The following CNTLN variants were observed in gnomAD, a reference collection of about 807,000 sequenced individuals.
CNTLN encodes centlein, centrosomal protein.
A neutral mutation model predicts 180.0 loss-of-function variants in CNTLN; 212 were observed. That is an observed-to-expected ratio of 1.18 (90% CI 1.05 to 1.32). The LOEUF (loss-of-function observed/expected upper bound fraction) is 1.32. Ranked by LOEUF, CNTLN falls within the 40% of genes most tolerant of loss-of-function variation. The pLI, the probability that CNTLN is intolerant of heterozygous loss-of-function variation, is 0.00. For missense variants in CNTLN, 2,095 were observed against 1,610.9 expected, an observed-to-expected ratio of 1.30 and a Z score of -5.14; for synonymous variants, 722 against 563.1, an observed-to-expected ratio of 1.28 and a Z score of -3.99.
intron 10 of CNTLN, among the ~76,000 whole-genome samples, chr9:17,339,951 C>A (rs536050524): frequency 6.6e-6 from 1 of 151,788 alleles, no homozygotes; most frequent in African/African-American, 2.4e-5. Context: ...ACCAGGAGTT[C>A]GAGACCAGCC....
chr9:17,218,294 C>T (rs1367815354), intron 2 of CNTLN, among the ~76,000 whole-genome samples: 1 of 152,180 alleles, frequency 6.6e-6, no homozygotes, highest in East Asian at 1.9e-4. Flanking sequence ...AAAGTTTTTA[C>T]ATGAATTAAG....
intron 2 of CNTLN, among the ~76,000 whole-genome samples, chr9:17,151,598 C>G (rs957484474): frequency 3.3e-5 from 5 of 152,170 alleles, no homozygotes; most frequent in Admixed American, 6.5e-5. Flanking sequence ...TGATGTTCAT[C>G]AGGGATATTG....
rs1821657548 is a variant in CNTLN at position 17,343,676 on chromosome 9, A to G, written c.1886+1232A>G. ...ATAATTTCAGTAGCTTTATTGAAAT[A>G]TAACTCACAAGTCATACAATTCACT... On this transcript the variant is annotated intron_variant, in intron 12 of 25. Coordinates refer to ENST00000380647, the MANE Select transcript of CNTLN (RefSeq NM_017738.4). Among the ~76,000 whole-genome samples, 2 of 152,198 alleles carry G rather than the reference A, an allele frequency of 1.3e-5. 1 individual carries two copies. Among genetic ancestry groups the G allele is most frequent in the Admixed American group, 1.3e-4 (2 of 15,276 alleles).
chr9:17,236,598 A>G lies in CNTLN; in HGVS notation c.849+10A>G. ...TGATGCAAAAATAAAGGTATACAAT[A>G]GGAATGGAATCCATACTCCTCTTTT... On this transcript the variant is annotated intron_variant, in intron 5 of 25. Transcript: ENST00000380647. The G allele has an allele frequency of 6.3e-7, 1 of 1,593,012 alleles. No homozygotes were observed.
intron 7 of CNTLN, chr9:17,298,871 G>A (rs1818140959): frequency 1.0e-6 from 1 of 985,192 alleles, no homozygotes; most frequent in Admixed American, 6.2e-5. Flanking sequence ...TGTTTTAGGA[G>A]CCTTTCAAGA....
chr9:17,168,826 G>A (rs1820250376), intron 2 of CNTLN, among the ~76,000 whole-genome samples: 1 of 152,122 alleles, frequency 6.6e-6, no homozygotes, highest in South Asian at 2.1e-4. Context: ...AATAAGAGTG[G>A]GTTATAGTAG....
At chr9:17,491,085 T>A (rs549584026) in intron 25 of CNTLN, among the ~76,000 whole-genome samples, 1 of 152,224 alleles carries the variant, frequency 6.6e-6, no homozygotes, top group South Asian at 2.1e-4. Context: ...GTTCTGCCCA[T>A]TCTGATCCCC....
intron 8 of CNTLN, among the ~76,000 whole-genome samples, chr9:17,326,051 C>T (rs1197091759): frequency 6.6e-6 from 1 of 151,958 alleles, no homozygotes; most frequent in Admixed American, 6.6e-5. Context: ...GGCCCTTCCC[C>T]CATGCCTTCT....
Position 17,336,749 on chromosome 9 carries a change from C to T in CNTLN, c.1644+4019C>T, listed in dbSNP as rs550683282. On this transcript the variant is annotated intron_variant, in intron 10 of 25. Transcript: ENST00000380647. ...TACTTTAAGTTCTGGGATACATGTG[C>T]AGAATGTGCAGGTTTGTTACATAGG... Among the ~76,000 whole-genome samples, 6 of 152,240 alleles carry T rather than the reference C, an allele frequency of 3.9e-5. No individual in the cohort carries two copies. The South Asian group carries it at 1.2e-3, about 32-fold the overall frequency.
chr9:17,519,793 A>T, the CNTLN span, among the ~76,000 whole-genome samples: 50 of 152,348 alleles, frequency 3.3e-4, no homozygotes, highest in African/African-American at 1.2e-3. Context: ...AGAAGGTCAA[A>T]CAGTTACAAG....
intron 25 of CNTLN, among the ~76,000 whole-genome samples, chr9:17,499,617 T>G (rs892507511): frequency 1.3e-5 from 2 of 152,186 alleles, no homozygotes; most frequent in Non-Finnish European, 2.9e-5. Context: ...GCTACTTAAA[T>G]TTTTTTAAAT....
chr9:17,143,319 A>G lies in CNTLN; in HGVS notation c.392A>G (p.Lys131Arg). 1 of 1,613,656 alleles carries G rather than the reference A, an allele frequency of 6.2e-7. No individual in the cohort carries two copies. Among genetic ancestry groups the G allele is most frequent in the South Asian group, 1.1e-5 (1 of 91,038 alleles). ...ADKEFVWSLW[K>R]RLQVTNPDLT... Reference sequence around the variant, plus strand: ...AAAGAATTTGTATGGTCTTTGTGGAAACGTCTCCAGGTTACAAACCCAGAT... The same window carrying G: ...AAAGAATTTGTATGGTCTTTGTGGAGACGTCTCCAGGTTACAAACCCAGAT... Residue 131 changes from lysine to arginine, a missense_variant, in exon 2 of 26, where the codon AAA (lysine) becomes AGA (arginine). By Grantham distance (26) the Lys-to-Arg change is conservative (BLOSUM62 2). Coordinates refer to ENST00000380647, the MANE Select transcript of CNTLN (RefSeq NM_017738.4).
intron 5 of CNTLN, among the ~76,000 whole-genome samples, chr9:17,260,235 C>T (rs372836078): frequency 6.0e-5 from 9 of 149,268 alleles, no homozygotes; most frequent in Non-Finnish European, 1.2e-4. Context: ...CGTTATGTAC[C>T]CAGTAGTCAT....
chr9:17,381,714 T>C (rs1398920099), intron 13 of CNTLN, among the ~76,000 whole-genome samples: 1 of 152,222 alleles, frequency 6.6e-6, no homozygotes, highest in African/African-American at 2.4e-5. Flanking sequence ...CATTTATTTC[T>C]TGCTCATGAG....
rs1318116411 is a variant in CNTLN, at chr9:17,409,352, A to T, written c.2675A>T (p.Gln892Leu). ...GGAACAATTATTGTAGAAACATCCC[A>T]GAAAATAAGTCCTACGGAAGATGGA... is the stretch of plus-strand genomic sequence containing the variant. Reference protein sequence around the residue: ...TLGTIIVETSQKISPTEDGKD... With the variant: ...TLGTIIVETSLKISPTEDGKD... The change falls in exon 16 of 26, where the codon CAG (glutamine) becomes CTG (leucine). Residue 892 changes from glutamine to leucine, a missense_variant. Gln to Leu is a moderately radical substitution (Grantham distance 113). Transcript: ENST00000380647. 5 of 1,613,366 alleles carry T rather than the reference A, an allele frequency of 3.1e-6. No homozygotes were observed. The highest frequency in any genetic ancestry group is 4.2e-6 in the Non-Finnish European group (5 of 1,179,698).
At chr9:17,494,791 A>G (rs1833357919) in intron 25 of CNTLN, 1 of 343,856 alleles carries the variant, frequency 2.9e-6, no homozygotes, top group Admixed American at 3.8e-5. Flanking sequence ...ATAGAAAAGT[A>G]TAGCGTATAC....
intron 12 of CNTLN, among the ~76,000 whole-genome samples, chr9:17,360,950 G>A (rs541065384): frequency 6.6e-6 from 1 of 152,230 alleles, no homozygotes; most frequent in Admixed American, 6.5e-5. Flanking sequence ...TTTTTTGATA[G>A]TGTTTTTCAA....
intron 2 of CNTLN, among the ~76,000 whole-genome samples, chr9:17,217,978 A>T (rs1189550779): frequency 6.6e-6 from 1 of 151,996 alleles, no homozygotes; most frequent in Non-Finnish European, 1.5e-5. Context: ...TGTTCTTTTG[A>T]ATTGTTGCTT....
chr9:17,366,954 T>C (rs1052653004), intron 13 of CNTLN, among the ~76,000 whole-genome samples: 15 of 152,088 alleles, frequency 9.9e-5, no homozygotes, highest in Non-Finnish European at 4.4e-5. Context: ...GATGGCCAAA[T>C]AGAAGACTTT....
Sources: gnomAD v4.1 joint callset for allele counts (sites outside exome capture counted in the v4.1 genomes callset) on GRCh38, gnomAD v4.1.1 for gene constraint, MANE v1.5 for transcripts, NCBI Gene and HGNC (gene_info 2026-07-23, HGNC 2026-07-21) for gene names.